Variants in ZC3H18 observed in about 807,000 individuals in gnomAD.
ZC3H18 encodes the protein zinc finger CCCH-type containing 18, also known as zinc finger CCCH domain-containing protein 18.
In ZC3H18, 8 loss-of-function variants were observed where a neutral mutation model predicts 106.1. That is an observed-to-expected ratio of 0.08 (90% CI 0.04 to 0.14). ZC3H18 has a LOEUF of 0.14. Ranked by LOEUF, ZC3H18 falls within the 10% of genes least tolerant of loss-of-function variation. The probability of loss-of-function intolerance (pLI) is 1.00; values close to 1 mark genes in which losing one functional copy is unlikely to be tolerated. For synonymous variants in ZC3H18, 635 were observed against 522.1 expected (o/e 1.22, Z -2.95); for missense variants, 1,318 against 1,278.4 (o/e 1.03, Z -0.47).
Position 88,627,467 on chromosome 16 carries a change from A to C in ZC3H18, c.2109-155A>C. 9.8e-7 allele frequency: 1 copy of C among 1,017,454 alleles called. No homozygotes were observed. The highest frequency in any genetic ancestry group is 1.4e-6 in the Non-Finnish European group (1 of 713,732). The allele number at this position is 1,017,454 out of a possible 1,614,324, so 63.0% of individuals were successfully genotyped here. ...GCCATGGGGACGTCCCTTACTTTGT[A>C]ACCCTGAAACTGCCCAGTGTCCCCC... On this transcript the variant is annotated intron_variant, in intron 13 of 17. Coordinates refer to ENST00000301011, the MANE Select transcript of ZC3H18 (RefSeq NM_144604.4). This position sits in a 1 kb window ranked among gnomAD's most constrained non-coding sequence, Gnocchi z 4.5.
chr16:88,595,474 CTT>C lies in ZC3H18; in HGVS notation c.689-2685_689-2684del, dbSNP rs11302563. 1.6e-3 allele frequency among the ~76,000 whole-genome samples: 212 copies of C among 133,552 alleles called. 1 individual carries two copies. The highest frequency in any genetic ancestry group is 2.1e-3 in the Non-Finnish European group (134 of 63,834). 87.6% of individuals were successfully genotyped at this position (133,552 alleles called of 152,430 possible). The stretch of plus-strand genomic sequence containing the variant: ...TATTTTCTGGATAATTTCTTTCTTT[CTT>C]TTTTTTTTTTTTTTTTTTAACAAAT... On this transcript the variant is annotated intron_variant, in intron 3 of 17. Transcript: ENST00000301011.
chr16:88,581,915 A>G (rs1029915946), intron 2 of ZC3H18, among the ~76,000 whole-genome samples: 1 of 151,736 alleles, frequency 6.6e-6, no homozygotes, highest in African/African-American at 2.4e-5. Flanking sequence ...TCTTTTGCTC[A>G]CTCCATGTTC....
chr16:88,581,548 G>A (rs1331402652), intron 2 of ZC3H18, among the ~76,000 whole-genome samples: 1 of 152,200 alleles, frequency 6.6e-6, no homozygotes, highest in Non-Finnish European at 1.5e-5. Context: ...TGGTGGGGTG[G>A]AAAGTTTCCG....
intron 15 of ZC3H18, 86 bp from the exon 16 acceptor site, chr16:88,628,672 T>A: frequency 6.9e-6 from 10 of 1,451,310 alleles, no homozygotes; most frequent in Non-Finnish European, 9.6e-6. Context: ...AGCAGGTTGC[T>A]GGCAAGGAAC....
chr16:88,615,611 T>G (rs9934902), intron 8 of ZC3H18, among the ~76,000 whole-genome samples: 4,334 of 152,254 alleles, frequency 0.028, 124 homozygotes, highest in Middle Eastern at 0.034. Flanking sequence ...GCTTTCCAGA[T>G]TCACAAAATA....
At chr16:88,572,137 A>C (rs189548500) in intron 1 of ZC3H18, among the ~76,000 whole-genome samples, 1 of 152,202 alleles carries the variant, frequency 6.6e-6, no homozygotes, top group African/African-American at 2.4e-5. Context: ...GACTAGCTTG[A>C]GAGGAGGAAG....
At chr16:88,586,804 G>A (rs1915465231) in intron 3 of ZC3H18, 120 bp downstream of exon 3, 4 of 711,050 alleles carry the variant, frequency 5.6e-6, no homozygotes, top group Non-Finnish European at 1.0e-5. Flanking sequence ...GGCATTACTG[G>A]CTAGGTGGTG....
Position 88,611,252 on chromosome 16 carries a change from T to C in ZC3H18, c.1207-16T>C, listed in dbSNP as rs769158703. 1.4e-5 allele frequency: 11 copies of C among 760,524 alleles called. No individual in the cohort carries two copies. The Admixed American group carries it at 1.6e-4, about 11-fold the overall frequency. The allele number at this position is 760,524 out of a possible 1,614,324, so 47.1% of individuals were successfully genotyped here. On this transcript the variant is annotated splice_polypyrimidine_tract_variant and intron_variant, in intron 7 of 17. Transcript: ENST00000301011. ...ATAACGCACGGTGTCCCCATGTGTT[T>C]GGCTTTTTAACAAAGGAAAGGGAGC...
intron 2 of ZC3H18, among the ~76,000 whole-genome samples, chr16:88,585,251 T>C (rs1567579888): frequency 6.6e-6 from 1 of 152,272 alleles, no homozygotes; most frequent in African/African-American, 2.4e-5. Flanking sequence ...TAAAATACTT[T>C]TTAATAACCA....
At chr16:88,625,110 G>C in intron 12 of ZC3H18, 92 bp from the exon 13 acceptor site, 1 of 1,444,184 alleles carries the variant, frequency 6.9e-7, no homozygotes, top group Non-Finnish European at 9.5e-7. Context: ...CCAGTCTGGA[G>C]GCTCACCTCA....
chr16:88,599,253 G>C (rs968914835), intron 5 of ZC3H18, among the ~76,000 whole-genome samples: 2 of 152,228 alleles, frequency 1.3e-5, no homozygotes, highest in Non-Finnish European at 2.9e-5. Context: ...CTCAGTGTCT[G>C]CTCTTCCTGG....
In ZC3H18 at chr16:88,608,926, C is replaced by T. The variant is rs147184417; in HGVS notation, c.1089-8C>T. On this transcript the variant is annotated splice_region_variant and splice_polypyrimidine_tract_variant and intron_variant, in intron 6 of 17. Transcript: ENST00000301011. ...TGATGAGAGTTCTTTTTCATTGGCC[C>T]TTTTCAGACTCGAGCCTTACGCAGA... is the stretch of plus-strand genomic sequence containing the variant. 4 of 1,606,728 alleles carry T rather than the reference C, an allele frequency of 2.5e-6. No homozygotes were observed. Among genetic ancestry groups the T allele is most frequent in the Non-Finnish European group, 2.5e-6 (3 of 1,176,530 alleles).
chr16:88,623,452 C>T, intron 10 of ZC3H18, 108 bp downstream of exon 10: 3 of 1,444,134 alleles, frequency 2.1e-6, no homozygotes, highest in African/African-American at 2.8e-5. Flanking sequence ...TATTGAAGGT[C>T]CCTGCTGGCA....
chr16:88,574,907 C>A (rs909362920), intron 1 of ZC3H18, among the ~76,000 whole-genome samples: 1 of 149,782 alleles, frequency 6.7e-6, no homozygotes, highest in Non-Finnish European at 1.5e-5. Context: ...TCGGCTCACT[C>A]CAAGCCCCGC....
rs532011399 is a variant in ZC3H18 at position 88,571,422 on chromosome 16, G to A, written c.-15+856G>A. 1.6e-4 allele frequency among the ~76,000 whole-genome samples: 25 copies of A among 152,354 alleles called. No homozygotes were observed. The South Asian group carries it at 5.0e-3, about 30-fold the overall frequency. On this transcript the variant is annotated intron_variant, in intron 1 of 17. Coordinates refer to ENST00000301011, the MANE Select transcript of ZC3H18 (RefSeq NM_144604.4). Reference sequence around the variant, plus strand: ...TAGACTCACCTCCAGCCTGTTGTCTGTAGAGTAGTCCTTTCCCGTTCAGTA... The same window carrying A: ...TAGACTCACCTCCAGCCTGTTGTCTATAGAGTAGTCCTTTCCCGTTCAGTA...
intron 2 of ZC3H18, among the ~76,000 whole-genome samples, chr16:88,580,182 G>GTT (rs1392408265): frequency 5.7e-5 from 4 of 70,038 alleles, no homozygotes; most frequent in African/African-American, 1.7e-4. Context: ...GTGTGTGTGT[G>GTT]TGTGTGTGTG....
At position 88,611,476 on chromosome 16, in the gene ZC3H18, G is replaced by A. The variant is rs1200843343; in HGVS notation, c.1415G>A (p.Arg472Gln). Residue 472 changes from arginine (R) to glutamine (Q), a missense_variant, in exon 8 of 18, where the codon CGG (arginine) becomes CAG (glutamine). Around this residue, in one of 6 missense-constraint regions of ZC3H18, gnomAD observed 848 missense variants for 821.7 expected, o/e 1.03. Coordinates refer to ENST00000301011, the MANE Select transcript of ZC3H18 (RefSeq NM_144604.4). ...EKDRQHRDRDREKEREKEKGK... is the reference protein window; with the variant it reads ...EKDRQHRDRDQEKEREKEKGK... ...GACCGGCAGCACCGTGACCGCGACC[G>A]GGAGAAGGAGCGGGAGAAGGAGAAG... 18 of 1,549,966 alleles carry A rather than the reference G, an allele frequency of 1.2e-5. No homozygotes were observed. In the East Asian group the frequency reaches 3.2e-4, roughly 27 times the overall value.
chr16:88,614,260 C>T (rs1422377108), intron 8 of ZC3H18, among the ~76,000 whole-genome samples: 2 of 152,266 alleles, frequency 1.3e-5, no homozygotes, highest in African/African-American at 2.4e-5. Flanking sequence ...GGCCACAGTT[C>T]TCATGCTCCC....
chr16:88,595,005 G>A (rs574034541), intron 3 of ZC3H18, among the ~76,000 whole-genome samples: 3 of 152,216 alleles, frequency 2.0e-5, no homozygotes, highest in East Asian at 1.9e-4. Context: ...TACAAAATTA[G>A]CCAGGCGTGG....
Sources: allele counts gnomAD v4.1 joint callset (sites outside exome capture counted in the v4.1 genomes callset), GRCh38; gene constraint gnomAD v4.1.1; regional missense constraint gnomAD v4.1.1; non-coding constraint Gnocchi (gnomAD v3.1); transcripts MANE v1.5; gene names NCBI Gene and HGNC (gene_info 2026-07-23, HGNC 2026-07-21).